STXBP5L: variants seen among roughly 807,000 people sequenced by gnomAD.
The protein encoded by STXBP5L is syntaxin-binding protein 5-like.
In STXBP5L, 65 loss-of-function variants were observed where a neutral mutation model predicts 144.5. The observed-to-expected ratio is 0.45, with a 90% CI of 0.37 to 0.55. STXBP5L has a LOEUF of 0.55. Ranked by LOEUF, STXBP5L falls within the 20% of genes least tolerant of loss-of-function variation. The pLI is 0.00. For synonymous variants in STXBP5L, 505 were observed against 469.6 expected (o/e 1.08, Z -0.97); for missense variants, 1,298 against 1,405.5 (o/e 0.92, Z 1.22).
At chr3:121,175,723 T>C (rs530980741) in intron 9 of STXBP5L, among the ~76,000 whole-genome samples, 2 of 152,154 alleles carry the variant, frequency 1.3e-5, no homozygotes, top group East Asian at 1.9e-4. Flanking sequence ...AGTATATCAA[T>C]ATTCATTTTA....
rs560986255 is a variant in STXBP5L, at chr3:120,950,202, A to G, written c.190-4738A>G. Reference sequence around the variant, plus strand: ...TTTTGAGTTAATTTTTGTGTATGTTATAAGTAAGGGATTTAACTTGATTCT... The same window carrying G: ...TTTTGAGTTAATTTTTGTGTATGTTGTAAGTAAGGGATTTAACTTGATTCT... On this transcript the variant is annotated intron_variant, in intron 2 of 26. Transcript: ENST00000471454. 5.9e-5 allele frequency among the ~76,000 whole-genome samples: 9 copies of G among 152,092 alleles called. No individual in the cohort carries two copies. The East Asian group carries it at 1.5e-3, about 26-fold the overall frequency.
chr3:121,169,929 T>C (rs571006901), intron 9 of STXBP5L, among the ~76,000 whole-genome samples: 4 of 152,306 alleles, frequency 2.6e-5, no homozygotes, highest in South Asian at 4.2e-4. Context: ...ATTCTAAAAT[T>C]GACCACATAA....
At chr3:121,272,431 A>G (rs2050759716) in intron 18 of STXBP5L, among the ~76,000 whole-genome samples, 1 of 152,156 alleles carries the variant, frequency 6.6e-6, no homozygotes, top group East Asian at 1.9e-4. Flanking sequence ...CTTCTGATAT[A>G]ATTAAGCTAC....
intron 5 of STXBP5L, among the ~76,000 whole-genome samples, chr3:121,057,545 G>T (rs1948547476): frequency 6.6e-6 from 1 of 151,762 alleles, no homozygotes; most frequent in East Asian, 1.9e-4. Context: ...AATTTTGCCT[G>T]TTTTTGACAC....
At chr3:121,330,126 C>A (rs1433357763) in intron 20 of STXBP5L, among the ~76,000 whole-genome samples, 1 of 152,142 alleles carries the variant, frequency 6.6e-6, no homozygotes, top group African/African-American at 2.4e-5. Context: ...AGGGGCATGG[C>A]CTGAAAGCCA....
At chr3:120,936,277 C>A (rs1173612672) in intron 2 of STXBP5L, among the ~76,000 whole-genome samples, 1 of 152,076 alleles carries the variant, frequency 6.6e-6, no homozygotes, top group Non-Finnish European at 1.5e-5. Context: ...TTTTATAAAG[C>A]CCATAGCTTA....
At chr3:120,976,146 A>G (rs1042951667) in intron 3 of STXBP5L, among the ~76,000 whole-genome samples, 4 of 152,224 alleles carry the variant, frequency 2.6e-5, no homozygotes, top group African/African-American at 7.2e-5. Context: ...TACCTCGGGT[A>G]GAATTCGGCT....
intron 9 of STXBP5L, among the ~76,000 whole-genome samples, chr3:121,200,123 TG>T (rs2048082741): frequency 6.6e-6 from 1 of 152,194 alleles, no homozygotes; most frequent in Non-Finnish European, 1.5e-5. Context: ...TGGACTTTTT[TG>T]GTTGGTAGGC....
intron 19 of STXBP5L, among the ~76,000 whole-genome samples, chr3:121,315,648 AAAG>A (rs921149624): frequency 1.1e-4 from 17 of 152,148 alleles, no homozygotes; most frequent in African/African-American, 3.6e-4. Flanking sequence ...ATAATTAAAA[AAAG>A]AAGCTCATCA....
At chr3:121,282,245 G>GT (rs2051085119) in intron 19 of STXBP5L, 2 of 1,602,042 alleles carry the variant, frequency 1.2e-6, no homozygotes, top group Non-Finnish European at 1.7e-6. Context: ...GCTGATGCTG[G>GT]TGGTCTGGCA....
intron 5 of STXBP5L, among the ~76,000 whole-genome samples, chr3:121,104,433 T>C (rs2043588168): frequency 6.6e-6 from 1 of 152,112 alleles, no homozygotes; most frequent in Non-Finnish European, 1.5e-5. Context: ...AGAGCCTGCA[T>C]AACCAAAGCA....
intron 3 of STXBP5L, among the ~76,000 whole-genome samples, chr3:120,988,697 C>G (rs1217860701): frequency 6.6e-6 from 1 of 151,980 alleles, no homozygotes; most frequent in Non-Finnish European, 1.5e-5. Context: ...GAAAGGGGTA[C>G]AAGTGCAGTT....
intron 3 of STXBP5L, among the ~76,000 whole-genome samples, chr3:120,989,387 A>G (rs1351122332): frequency 6.6e-6 from 1 of 152,032 alleles, no homozygotes; most frequent in Non-Finnish European, 1.5e-5. Context: ...ATGATTTGTG[A>G]TATTGAGTAT....
At chr3:121,126,280 A>T (rs2044699049) in intron 7 of STXBP5L, among the ~76,000 whole-genome samples, 2 of 152,180 alleles carry the variant, frequency 1.3e-5, no homozygotes, top group South Asian at 2.1e-4. Flanking sequence ...TCATTAACAT[A>T]TGTCTGTGGC....
At chr3:121,064,254 G>T (rs2041432021) in intron 5 of STXBP5L, among the ~76,000 whole-genome samples, 1 of 152,120 alleles carries the variant, frequency 6.6e-6, no homozygotes, top group African/African-American at 2.4e-5. Context: ...CACTTCCTGG[G>T]TGAGGCAACG....
At chr3:121,263,696 TAGA>T (rs1189787495) in intron 18 of STXBP5L, among the ~76,000 whole-genome samples, 1 of 151,920 alleles carries the variant, frequency 6.6e-6, no homozygotes. Context: ...ATTGATCAAG[TAGA>T]AGAAAGGATA....
At chr3:121,250,665 A>C (rs1577304627) in intron 14 of STXBP5L, 58 bp from the exon 15 acceptor site, 2 of 1,380,010 alleles carry the variant, frequency 1.4e-6, no homozygotes, top group East Asian at 4.7e-5. Flanking sequence ...GTACATTTGG[A>C]GTGATTATGA....
At chr3:121,225,955 T>C (rs1316927266) in intron 11 of STXBP5L, among the ~76,000 whole-genome samples, 3 of 152,142 alleles carry the variant, frequency 2.0e-5, no homozygotes, top group Non-Finnish European at 4.4e-5. Flanking sequence ...CTGTTGACAA[T>C]AGAAGGCTTC....
chr3:121,190,085 A>G (rs1028282693), intron 9 of STXBP5L, among the ~76,000 whole-genome samples: 3 of 150,224 alleles, frequency 2.0e-5, no homozygotes, highest in African/African-American at 7.4e-5. Flanking sequence ...TTTATTGATC[A>G]TTCTTGGGTG....
Sources: gnomAD v4.1 joint callset for allele counts (sites outside exome capture counted in the v4.1 genomes callset) on GRCh38, gnomAD v4.1.1 for gene constraint, MANE v1.5 for transcripts, NCBI Gene and HGNC (gene_info 2026-07-23, HGNC 2026-07-21) for gene names.